The following MMP16 variants were observed in gnomAD, a reference collection of about 807,000 sequenced individuals.
MMP16 encodes the protein matrix metallopeptidase 16.
In MMP16, 12 loss-of-function variants were observed where a neutral mutation model predicts 67.8. That is an observed-to-expected ratio of 0.18 (90% CI 0.11 to 0.29). The LOEUF (loss-of-function observed/expected upper bound fraction) is 0.29. MMP16 is among the 10% of genes least tolerant of loss of function. MMP16 has a pLI of 1.00. For missense variants in MMP16, 475 were observed against 765.7 expected, an observed-to-expected ratio of 0.62 and a Z score of 4.48; for synonymous variants, 249 against 255.9, an observed-to-expected ratio of 0.97 and a Z score of 0.26.
At chr8:88,316,702 C>T (rs547509808) in intron 1 of MMP16, among the ~76,000 whole-genome samples, 28 of 151,984 alleles carry the variant, frequency 1.8e-4, no homozygotes, top group Admixed American at 4.6e-4. Flanking sequence ...ATTTTGCAGC[C>T]CATGGATCAA....
At chr8:88,278,457 G>C (rs1410709090) in intron 1 of MMP16, among the ~76,000 whole-genome samples, 1 of 152,162 alleles carries the variant, frequency 6.6e-6, no homozygotes, top group East Asian at 1.9e-4. Flanking sequence ...AGCATAAGAA[G>C]TATAAGGCTG....
intron 1 of MMP16, among the ~76,000 whole-genome samples, chr8:88,304,839 A>G (rs1811189090): frequency 6.6e-6 from 1 of 152,224 alleles, no homozygotes; most frequent in Admixed American, 6.5e-5. Context: ...GCCACTTAAA[A>G]AACACCCTAA....
intron 4 of MMP16, among the ~76,000 whole-genome samples, chr8:88,142,395 CACA>C (rs1381927715): frequency 8.6e-5 from 13 of 151,854 alleles, no homozygotes; most frequent in African/African-American, 3.1e-4. Context: ...ATGAACAATA[CACA>C]ACAATTGTAC....
chr8:88,304,847 TA>T (rs1453250541), intron 1 of MMP16, among the ~76,000 whole-genome samples: 1 of 152,128 alleles, frequency 6.6e-6, no homozygotes, highest in Non-Finnish European at 1.5e-5. Context: ...AAAAACACCC[TA>T]AAGTATATAG....
intron 7 of MMP16, among the ~76,000 whole-genome samples, chr8:88,061,346 C>G (rs909512631): frequency 1.3e-5 from 2 of 152,068 alleles, no homozygotes; most frequent in Non-Finnish European, 2.9e-5. Flanking sequence ...GCCTATACCT[C>G]AGTGACTTAT....
chr8:88,085,918 TTTA>T (rs1808826323), intron 6 of MMP16, among the ~76,000 whole-genome samples: 1 of 150,040 alleles, frequency 6.7e-6, no homozygotes, highest in African/African-American at 2.5e-5. Flanking sequence ...GGACCCCCTT[TTTA>T]TTAATTAGTA....
chr8:88,121,464 T>G (rs2118444181), intron 4 of MMP16, among the ~76,000 whole-genome samples: 1 of 152,144 alleles, frequency 6.6e-6, no homozygotes, highest in East Asian at 1.9e-4. Context: ...TACTGCCCTG[T>G]GATTTGAATT....
At chr8:88,144,534 G>C (rs1480992172) in intron 4 of MMP16, among the ~76,000 whole-genome samples, 3 of 151,730 alleles carry the variant, frequency 2.0e-5, no homozygotes, top group Non-Finnish European at 4.4e-5. Context: ...GAAAAAATTA[G>C]AGACTTTTAT....
chr8:88,280,303 AAAAGTATCCTAAAATTT>A (rs1279778226), intron 1 of MMP16, among the ~76,000 whole-genome samples: 3 of 152,230 alleles, frequency 2.0e-5, no homozygotes, highest in Non-Finnish European at 4.4e-5. Flanking sequence ...ACATGTTTCA[AAAAGTATCCTAAAATTT>A]AAACTCCATC....
intron 8 of MMP16, among the ~76,000 whole-genome samples, chr8:88,053,990 C>A (rs1376108347): frequency 1.3e-5 from 2 of 152,080 alleles, no homozygotes; most frequent in Non-Finnish European, 2.9e-5. Flanking sequence ...TTTCTATAGT[C>A]TTTATTCTTC....
intron 1 of MMP16, among the ~76,000 whole-genome samples, chr8:88,200,883 A>G (rs1809333142): frequency 6.6e-6 from 1 of 151,976 alleles, no homozygotes; most frequent in Admixed American, 6.6e-5. Context: ...GAGCAAATCT[A>G]AGCAGTAATT....
At chr8:88,264,835 A>T (rs889264317) in intron 1 of MMP16, among the ~76,000 whole-genome samples, 4 of 152,254 alleles carry the variant, frequency 2.6e-5, no homozygotes, top group African/African-American at 4.8e-5. Context: ...ACAATATGGC[A>T]TATCTCAAAA....
chr8:88,194,355 A>G (rs1374858044), intron 2 of MMP16, among the ~76,000 whole-genome samples: 1 of 152,134 alleles, frequency 6.6e-6, no homozygotes, highest in East Asian at 1.9e-4. Context: ...ATCTATAACT[A>G]TAGTCCATAT....
chr8:88,291,464 C>G (rs975358764), intron 1 of MMP16, among the ~76,000 whole-genome samples: 1 of 152,156 alleles, frequency 6.6e-6, no homozygotes, highest in Non-Finnish European at 1.5e-5. Context: ...GAGAAGAAAA[C>G]TAGAAAGATC....
At chr8:88,131,138 C>T (rs1487871004) in intron 4 of MMP16, among the ~76,000 whole-genome samples, 1 of 151,728 alleles carries the variant, frequency 6.6e-6, no homozygotes, top group African/African-American at 2.4e-5. Flanking sequence ...CCCCAGATAG[C>T]GCTTTTAGAA....
rs112295025 is a variant in MMP16 at position 88,130,759 on chromosome 8, CGTGTGT to C, written c.710-11904_710-11899del. Among the ~76,000 whole-genome samples, 460 of 146,572 alleles carry C rather than the reference CGTGTGT, an allele frequency of 3.1e-3. 4 individuals are homozygous for C. The highest frequency in any genetic ancestry group is 9.0e-3 in the African/African-American group (362 of 40,230). On this transcript the variant is annotated intron_variant, in intron 4 of 9. Transcript: ENST00000286614. ...CATAACCTAAATGTCTTGTGAAATA[CGTGTGT>C]GTGTGTGTGTGTGTGTGTGTGTGTG...
intron 4 of MMP16, among the ~76,000 whole-genome samples, chr8:88,148,718 TTATC>T (rs1269805967): frequency 7.2e-6 from 1 of 139,748 alleles, no homozygotes; most frequent in Non-Finnish European, 1.5e-5. Context: ...ACATTATTGC[TTATC>T]TATTTCTTTA....
chr8:88,092,407 C>T (rs1399476225), intron 6 of MMP16, among the ~76,000 whole-genome samples: 1 of 151,870 alleles, frequency 6.6e-6, no homozygotes, highest in Non-Finnish European at 1.5e-5. Context: ...CAGTATCTTC[C>T]TTTCCACATA....
chr8:88,290,624 C>G (rs1160308560), intron 1 of MMP16, among the ~76,000 whole-genome samples: 1 of 152,090 alleles, frequency 6.6e-6, no homozygotes, highest in Non-Finnish European at 1.5e-5. Flanking sequence ...GTTGCCTAAG[C>G]TGGAGTGCAG....
Sources: gnomAD v4.1 joint callset for allele counts (sites outside exome capture counted in the v4.1 genomes callset) on GRCh38, gnomAD v4.1.1 for gene constraint, MANE v1.5 for transcripts, NCBI Gene and HGNC (gene_info 2026-07-23, HGNC 2026-07-21) for gene names.